Variants in PBX4 observed in about 807,000 individuals in gnomAD.
The protein encoded by PBX4 is pre-B-cell leukemia transcription factor 4.
A neutral mutation model predicts 35.1 loss-of-function variants in PBX4; 26 were observed. That is an observed-to-expected ratio of 0.74 (90% CI 0.54 to 1.03). The LOEUF is 1.03. Among genes scored for constraint, PBX4 ranks in the 50% least tolerant of loss-of-function variants. PBX4 has a pLI of 0.00. For synonymous variants in PBX4, 199 were observed against 204.2 expected (o/e 0.97, Z 0.22); for missense variants, 448 against 504.3 (o/e 0.89, Z 1.07).
intron 2 of PBX4, among the ~76,000 whole-genome samples, chr19:19,591,004 A>C (rs2144754546): frequency 6.6e-6 from 1 of 152,246 alleles, no homozygotes; most frequent in African/African-American, 2.4e-5. Flanking sequence ...ATTAATTCAA[A>C]TGTAAACAGC....
rs1326852249 is a variant in PBX4 at position 19,604,627 on chromosome 19, G to GTCTCGCTCTGTCACCCAGGCTGGAGTGC, written c.120-5290_120-5263dup. ...TTTTAATTTTTATTTTTGAGATGGA[G>GTCTCGCTCTGTCACCCAGGCTGGAGTGC]TCTCGCTCTGTCACCCAGGCTGGAG... On this transcript the variant is annotated intron_variant, in intron 1 of 7. Coordinates refer to ENST00000251203, the MANE Select transcript of PBX4 (RefSeq NM_025245.3). Among the ~76,000 whole-genome samples, 11 of 151,224 alleles carry GTCTCGCTCTGTCACCCAGGCTGGAGTGC rather than the reference G, an allele frequency of 7.3e-5. No homozygotes were observed. The East Asian group carries it at 2.1e-3, about 30-fold the overall frequency.
chr19:19,567,200 TC>T lies in PBX4; in HGVS notation c.769-2112del, dbSNP rs550801087. Among the ~76,000 whole-genome samples the T allele has an allele frequency of 6.6e-4, 100 of 152,298 alleles. No individual in the cohort carries two copies. The South Asian group carries it at 0.012, about 19-fold the overall frequency. ...CCCTGGTTGTCCTCCAGACAATTGT[TC>T]CTTGGGGGCCAAATGTCTCACGCTT... On this transcript the variant is annotated intron_variant, in intron 5 of 7. Transcript: ENST00000251203.
chr19:19,604,247 GA>G (rs2061615274), intron 1 of PBX4, among the ~76,000 whole-genome samples: 1 of 151,896 alleles, frequency 6.6e-6, no homozygotes, highest in Non-Finnish European at 1.5e-5. Context: ...GAGATGGGGG[GA>G]TCACTTGAGG....
At position 19,562,775 on chromosome 19, in the gene PBX4, G is replaced by A. The variant is rs971401914; in HGVS notation, c.1033-658C>T. Among the ~76,000 whole-genome samples the A allele has an allele frequency of 2.6e-5, 4 of 152,200 alleles. No individual in the cohort carries two copies. Among genetic ancestry groups the A allele is most frequent in the African/African-American group, 4.8e-5 (2 of 41,448 alleles). On this transcript the variant is annotated intron_variant, in intron 7 of 7. Transcript: ENST00000251203. This position sits in a 1 kb window ranked among gnomAD's most constrained non-coding sequence, Gnocchi z 4.8. ...TCTGAACTGGGGTGGACACACAGCT[G>A]CTGGCGCGTAGTCAGGTCCCAGGGG...
rs1004120349 is a variant in PBX4 at position 19,580,267 on chromosome 19, G to T, written c.194-9434C>A. 2.0e-5 allele frequency among the ~76,000 whole-genome samples: 3 copies of T among 152,330 alleles called. No homozygotes were observed. The East Asian group carries it at 5.8e-4, about 29-fold the overall frequency. ...AAACATGGGGACTTCCTGCTTTCTA[G>T]AAACCTTTTGAGGCTTTTTCAGTCA... On this transcript the variant is annotated intron_variant, in intron 2 of 7. Transcript: ENST00000251203.
chr19:19,604,216 A>C (rs1377375155), intron 1 of PBX4, among the ~76,000 whole-genome samples: 1 of 152,048 alleles, frequency 6.6e-6, no homozygotes, highest in Non-Finnish European at 1.5e-5. Flanking sequence ...CATGCCTGTA[A>C]TCCCAGCACT....
chr19:19,592,206 C>T (rs1035035916), intron 2 of PBX4, among the ~76,000 whole-genome samples: 1 of 152,158 alleles, frequency 6.6e-6, no homozygotes, highest in Non-Finnish European at 1.5e-5. Flanking sequence ...TTAAATCCAA[C>T]GCTTTCGAAT....
Position 19,563,670 on chromosome 19 carries a change from C to G in PBX4, c.926-55G>C, listed in dbSNP as rs1479522570. ...AGTCGTGGCGCCTCCTCAGGTGGAA[C>G]CCACCCAGCCCCTCAGCCGGCAGGA... On this transcript the variant is annotated intron_variant, in intron 6 of 7. Coordinates refer to ENST00000251203, the MANE Select transcript of PBX4 (RefSeq NM_025245.3). This position sits in a 1 kb window ranked among gnomAD's most constrained non-coding sequence, Gnocchi z 5.1. 4 of 1,416,798 alleles carry G rather than the reference C, an allele frequency of 2.8e-6. No homozygotes were observed. Among genetic ancestry groups the G allele is most frequent in the Non-Finnish European group, 3.9e-6 (4 of 1,027,972 alleles). 87.8% of individuals were successfully genotyped at this position (1,416,798 alleles called of 1,614,324 possible).
At chr19:19,609,041 G>A (rs2061647370) in intron 1 of PBX4, among the ~76,000 whole-genome samples, 1 of 152,178 alleles carries the variant, frequency 6.6e-6, no homozygotes, top group South Asian at 2.1e-4. Flanking sequence ...AAAGTGTCCT[G>A]TAAAGCCCGA....
chr19:19,618,070 AG>A (rs1165025029), intron 1 of PBX4, among the ~76,000 whole-genome samples: 2 of 152,168 alleles, frequency 1.3e-5, no homozygotes, highest in East Asian at 3.9e-4. Flanking sequence ...CTGAGGCAGG[AG>A]AATCAACTGA....
Position 19,561,856 on chromosome 19 carries a change from G to A in PBX4, c.*169C>T, listed in dbSNP as rs928624617. On this transcript the variant is annotated 3_prime_UTR_variant, in exon 8 of 8. Transcript: ENST00000251203. ...GTGGCGTTTCAGGCCATCTCGAGTC[G>A]CAGCAGACACATGAGCCGGCGCCAC... 8 of 512,866 alleles carry A rather than the reference G, an allele frequency of 1.6e-5. No homozygotes were observed. Among genetic ancestry groups the A allele is most frequent in the Admixed American group, 1.1e-4 (3 of 26,476 alleles). The allele number at this position is 512,866 out of a possible 1,614,324, so 31.8% of individuals were successfully genotyped here.
At chr19:19,601,792 G>A (rs1020394548) in intron 1 of PBX4, among the ~76,000 whole-genome samples, 5 of 152,146 alleles carry the variant, frequency 3.3e-5, no homozygotes, top group East Asian at 1.9e-4. Flanking sequence ...ACCAGCCCAT[G>A]GGCTCACTGG....
chr19:19,570,643 C>T lies in PBX4; in HGVS notation c.384G>A (p.Arg128=), dbSNP rs1035597638. ...NDNSIEHSDY[R]AKLSQIRQIY... Reference sequence around the variant, plus strand: ...TCTGTCGGATCTGGGACAGCTTGGCCCTGTAGTCAGAGTGCTCAATGCTAT... The same window carrying T: ...TCTGTCGGATCTGGGACAGCTTGGCTCTGTAGTCAGAGTGCTCAATGCTAT... Residue 128 remains arginine, a synonymous_variant, in exon 3 of 8, where the codon AGG becomes AGA. Coordinates refer to ENST00000251203, the MANE Select transcript of PBX4 (RefSeq NM_025245.3). 1.9e-6 allele frequency: 3 copies of T among 1,614,128 alleles called. No individual in the cohort carries two copies. The highest frequency in any genetic ancestry group is 2.7e-5 in the African/African-American group (2 of 75,024).
chr19:19,569,445 T>C lies in PBX4; in HGVS notation c.768+4A>G. 3.7e-6 allele frequency: 6 copies of C among 1,609,740 alleles called. No individual in the cohort carries two copies. Among genetic ancestry groups the C allele is most frequent in the Non-Finnish European group, 4.2e-6 (5 of 1,178,420 alleles). The stretch of plus-strand genomic sequence containing the variant: ...TGGCGAGACGTGGCAGGAGAGAACG[T>C]CACCTGGGAGATGGTGAGGCCGCCC... On this transcript the variant is annotated splice_donor_region_variant and intron_variant, in intron 5 of 7. Coordinates refer to ENST00000251203, the MANE Select transcript of PBX4 (RefSeq NM_025245.3).
At chr19:19,594,897 T>G (rs958662192) in intron 2 of PBX4, among the ~76,000 whole-genome samples, 3 of 152,086 alleles carry the variant, frequency 2.0e-5, no homozygotes, top group African/African-American at 7.2e-5. Flanking sequence ...AATTTTTGTA[T>G]TTTTAGTAGA....
intron 2 of PBX4, among the ~76,000 whole-genome samples, chr19:19,594,313 G>A (rs776833184): frequency 1.3e-5 from 2 of 151,230 alleles, no homozygotes; most frequent in South Asian, 4.2e-4. Flanking sequence ...GCTGAGGCAG[G>A]AAAATTGCTT....
intron 5 of PBX4, among the ~76,000 whole-genome samples, chr19:19,566,269 C>T (rs1385275954): frequency 6.6e-6 from 1 of 152,184 alleles, no homozygotes; most frequent in East Asian, 1.9e-4. Flanking sequence ...TGGGGGCTGT[C>T]CTGTACACTG....
chr19:19,617,719 T>A (rs1425110076), intron 1 of PBX4, among the ~76,000 whole-genome samples: 1 of 151,998 alleles, frequency 6.6e-6, no homozygotes, highest in Non-Finnish European at 1.5e-5. Flanking sequence ...AGAAAATAGG[T>A]CTTCCATCTC....
At chr19:19,606,516 CCT>C (rs2061632168) in intron 1 of PBX4, 1 of 152,276 alleles carries the variant, frequency 6.6e-6, no homozygotes, top group African/African-American at 2.4e-5. Context: ...TGCCCAGAAT[CCT>C]GACCCAAGGA....
Sources: gnomAD v4.1 joint callset for allele counts (sites outside exome capture counted in the v4.1 genomes callset) on GRCh38, gnomAD v4.1.1 for gene constraint, Gnocchi (gnomAD v3.1) non-coding constraint, MANE v1.5 for transcripts, NCBI Gene and HGNC (gene_info 2026-07-23, HGNC 2026-07-21) for gene names.